TRIO: variants seen among roughly 807,000 people sequenced by gnomAD.
The protein encoded by TRIO is trio Rho guanine nucleotide exchange factor.
TRIO carries 58 observed loss-of-function variants against 351.9 expected under a neutral mutation model. The observed-to-expected ratio is 0.16, with a 90% confidence interval of 0.13 to 0.21. The LOEUF (loss-of-function observed/expected upper bound fraction) is 0.21, where lower values mean the gene tolerates loss of function less well. TRIO is among the 10% of genes least tolerant of loss of function. The probability of loss-of-function intolerance (pLI) is 1.00; values close to 1 mark genes in which losing one functional copy is unlikely to be tolerated. For missense variants in TRIO, 3,201 were observed against 4,027.8 expected (o/e 0.79, Z 5.56); for synonymous variants, 1,758 against 1,595.7 (o/e 1.10, Z -2.42).
chr5:14,508,503 A>G lies in TRIO; in HGVS notation c.*81A>G, dbSNP rs141909554. ...AATTTTCAAGAGAAAACAAGCAAAC[A>G]TAACTGATCAGCTGCCGGTATGTTC... On this transcript the variant is annotated 3_prime_UTR_variant, in exon 57 of 57. Transcript: ENST00000344204. 9.7e-4 allele frequency: 1,433 copies of G among 1,482,974 alleles called. 13 individuals are homozygous for G. In the African/African-American group the frequency reaches 0.017, roughly 18 times the overall value. 91.9% of individuals were successfully genotyped at this position (1,482,974 alleles called of 1,614,324 possible). A position where few individuals can be genotyped will look rare whatever the true frequency, so the allele number is the denominator to read the frequency against.
chr5:14,298,415 G>A (rs1459778516), intron 7 of TRIO, among the ~76,000 whole-genome samples: 1 of 152,198 alleles, frequency 6.6e-6, no homozygotes, highest in East Asian at 1.9e-4. Flanking sequence ...ATGGGGTAGA[G>A]GAAAATGGTT....
At chr5:14,150,522 A>C (rs1787768391) in intron 1 of TRIO, among the ~76,000 whole-genome samples, 1 of 152,248 alleles carries the variant, frequency 6.6e-6, no homozygotes, top group African/African-American at 2.4e-5. Context: ...TACAAATCAA[A>C]GGATTATATA....
intron 1 of TRIO, among the ~76,000 whole-genome samples, chr5:14,200,714 T>C (rs989130297): frequency 3.3e-5 from 5 of 152,168 alleles, no homozygotes; most frequent in African/African-American, 4.8e-5. Context: ...GATGTTGTTT[T>C]GGTTCGTAGT....
Position 14,304,577 on chromosome 5 carries a change from T to A in TRIO, c.1485T>A (p.Thr495=), listed in dbSNP as rs1323914368. ...HHHQGIYEHI[T]LAYSEVSQDG... is the part of the protein sequence containing the mutation. The stretch of plus-strand genomic sequence containing the variant: ...ACCAGGGAATATATGAACATATCAC[T>A]CTTGCTTATTCTGAGGTAAGTGGCC... Residue 495 remains threonine, a synonymous_variant, in exon 8 of 57, where the codon ACT becomes ACA. Coordinates refer to ENST00000344204, the MANE Select transcript of TRIO (RefSeq NM_007118.4). The A allele has an allele frequency of 2.5e-6, 4 of 1,612,794 alleles. No individual in the cohort carries two copies. Among genetic ancestry groups the A allele is most frequent in the Non-Finnish European group, 3.4e-6 (4 of 1,179,758 alleles).
chr5:14,323,536 T>A (rs892741381), intron 9 of TRIO, among the ~76,000 whole-genome samples: 33 of 130,122 alleles, frequency 2.5e-4, no homozygotes, highest in African/African-American at 9.1e-4. Context: ...AGAGAGGAGT[T>A]TAGTCCTTTA....
chr5:14,282,333 G>A (rs2152278110), intron 3 of TRIO, among the ~76,000 whole-genome samples: 1 of 151,686 alleles, frequency 6.6e-6, no homozygotes, highest in Admixed American at 6.6e-5. Flanking sequence ...ACAAAGGGCA[G>A]GGTTAAAAAA....
chr5:14,501,034 C>T (rs1757259619), intron 53 of TRIO, among the ~76,000 whole-genome samples: 1 of 147,678 alleles, frequency 6.8e-6, no homozygotes, highest in Admixed American at 6.8e-5. Flanking sequence ...GTCCACTTTT[C>T]TGTATATATG....
intron 16 of TRIO, among the ~76,000 whole-genome samples, chr5:14,367,675 GA>G (rs1332207997): frequency 6.6e-6 from 1 of 152,038 alleles, no homozygotes; most frequent in Non-Finnish European, 1.5e-5. Flanking sequence ...AATGTCAAAG[GA>G]AAAAGAACAT....
intron 23 of TRIO, 189 bp downstream of exon 23, chr5:14,388,036 C>G (rs1746700268): frequency 3.5e-6 from 2 of 579,202 alleles, no homozygotes; most frequent in Admixed American, 3.1e-5. Context: ...GGTTCAGAAA[C>G]AGCATCTAGT....
intron 1 of TRIO, among the ~76,000 whole-genome samples, chr5:14,238,874 C>T (rs1303870379): frequency 6.6e-6 from 1 of 152,210 alleles, no homozygotes; most frequent in Non-Finnish European, 1.5e-5. Flanking sequence ...GCCTTGTTAA[C>T]TGTGCAGGTT....
intron 21 of TRIO, among the ~76,000 whole-genome samples, 165 bp downstream of exon 21, chr5:14,381,417 GTCC>G (rs911900386): frequency 6.6e-6 from 1 of 152,132 alleles, no homozygotes. Flanking sequence ...GTCCCTCCGT[GTCC>G]TCCACCTCCT....
intron 16 of TRIO, among the ~76,000 whole-genome samples, chr5:14,367,956 A>T (rs1018214404): frequency 6.6e-6 from 1 of 152,124 alleles, no homozygotes; most frequent in African/African-American, 2.4e-5. Context: ...GTTTTATGGG[A>T]TCATTTGTAC....
intron 41 of TRIO, among the ~76,000 whole-genome samples, chr5:14,477,958 A>G (rs1281171922): frequency 4.6e-5 from 7 of 152,236 alleles, no homozygotes; most frequent in African/African-American, 1.7e-4. Context: ...AATTTTCACT[A>G]ACAAACACTG....
rs1748663041 is a variant in TRIO, at chr5:14,405,859, A to G, written c.4728A>G (p.Ile1576Met). ...AACACCTTGTTAAGGCTTCCAGCAT[A>G]GAGAACAAGCAGGACTGGATAAAGC... is the stretch of plus-strand genomic sequence containing the variant. ...DNKIVLKASS[I>M]ENKQDWIKHI... Residue 1576 changes from isoleucine to methionine, a missense_variant, in exon 32 of 57, where the codon ATA becomes ATG. Around this residue, in one of 19 missense-constraint regions of TRIO, gnomAD observed 136 missense variants for 229.5 expected, o/e 0.59. Transcript: ENST00000344204. 2 of 1,613,988 alleles carry G rather than the reference A, an allele frequency of 1.2e-6. No homozygotes were observed. Among genetic ancestry groups the G allele is most frequent in the African/African-American group, 1.3e-5 (1 of 75,030 alleles).
At chr5:14,210,420 C>T (rs529926273) in intron 1 of TRIO, among the ~76,000 whole-genome samples, 1 of 152,312 alleles carries the variant, frequency 6.6e-6, no homozygotes, top group South Asian at 2.1e-4. Flanking sequence ...TATTTGCAGC[C>T]AGCCATTTTG....
At chr5:14,289,264 A>C (rs981834818) in intron 4 of TRIO, among the ~76,000 whole-genome samples, 2 of 152,190 alleles carry the variant, frequency 1.3e-5, no homozygotes, top group Admixed American at 6.5e-5. Flanking sequence ...AGTCACCTGT[A>C]ATCCCAGCTA....
At chr5:14,169,235 A>AAGGTT (rs1788959315) in intron 1 of TRIO, among the ~76,000 whole-genome samples, 1 of 150,490 alleles carries the variant, frequency 6.6e-6, no homozygotes, top group Non-Finnish European at 1.5e-5. Context: ...TTTTAGATGG[A>AAGGTT]AGGTTCCCCA....
At chr5:14,478,101 A>T (rs1239530177) in intron 41 of TRIO, among the ~76,000 whole-genome samples, 1 of 152,172 alleles carries the variant, frequency 6.6e-6, no homozygotes, top group Non-Finnish European at 1.5e-5. Flanking sequence ...CATAAAAAAA[A>T]GTGGTTAGTT....
At chr5:14,321,762 G>C (rs1739908365) in intron 9 of TRIO, among the ~76,000 whole-genome samples, 1 of 152,150 alleles carries the variant, frequency 6.6e-6, no homozygotes, top group Non-Finnish European at 1.5e-5. Flanking sequence ...TGTCATGGGA[G>C]GGACCCAGTG....
Sources: gnomAD v4.1 joint callset for allele counts (sites outside exome capture counted in the v4.1 genomes callset) on GRCh38, gnomAD v4.1.1 for gene constraint, gnomAD v4.1.1 regional missense constraint, MANE v1.5 for transcripts, NCBI Gene and HGNC (gene_info 2026-07-23, HGNC 2026-07-21) for gene names.